Variants in SERPINI1 observed in about 807,000 individuals in gnomAD.
SERPINI1 encodes serpin family I member 1, also known as neuroserpin.
A neutral mutation model predicts 41.1 loss-of-function variants in SERPINI1; 19 were observed. The observed-to-expected ratio is 0.46, with a 90% CI of 0.32 to 0.68. The LOEUF is 0.68. Among genes scored for constraint, SERPINI1 ranks in the 30% least tolerant of loss-of-function variants. SERPINI1 has a pLI of 0.03. For missense variants in SERPINI1, 460 were observed against 479.2 expected (o/e 0.96, Z 0.37); for synonymous variants, 138 against 156.6 (o/e 0.88, Z 0.89).
chr3:167,755,538 G>A (rs1162686339), intron 1 of SERPINI1, among the ~76,000 whole-genome samples: 1 of 152,174 alleles, frequency 6.6e-6, no homozygotes, highest in Non-Finnish European at 1.5e-5. Context: ...TCAGAGAGAG[G>A]AAACCATAAG....
chr3:167,746,390 G>A (rs544960706), intron 1 of SERPINI1, among the ~76,000 whole-genome samples: 7 of 152,044 alleles, frequency 4.6e-5, no homozygotes, highest in African/African-American at 1.7e-4. Flanking sequence ...GACACCAAAA[G>A]TACAAGAGAC....
rs954345051 is a variant in SERPINI1, at chr3:167,794,709, G to A, written c.766G>A (p.Val256Met). 1 of 1,613,680 alleles carries A rather than the reference G, an allele frequency of 6.2e-7. No individual in the cohort carries two copies. The highest frequency in any genetic ancestry group is 8.5e-7 in the Non-Finnish European group (1 of 1,179,800). The change falls in exon 5 of 9, where the codon GTG becomes ATG. Residue 256 changes from valine (V) to methionine (M), a missense_variant. Coordinates refer to ENST00000446050, the MANE Select transcript of SERPINI1 (RefSeq NM_001122752.2). ...YEGDEISMML[V>M]LSRQEVPLAT... ...AGGAGATGAAATAAGCATGATGCTGGTGCTGTCCAGACAGGAAGTTCCTCT... is the reference window on the plus strand; with the variant it reads ...AGGAGATGAAATAAGCATGATGCTGATGCTGTCCAGACAGGAAGTTCCTCT...
At position 167,823,024 on chromosome 3, in the gene SERPINI1, T is replaced by A; in HGVS notation, c.1018T>A (p.Ser340Thr). Residue 340 changes from serine (S) to threonine (T), a missense_variant, in exon 7 of 9, where the codon TCC becomes ACC. Transcript: ENST00000446050. ...EIFLSKAIHK[S>T]FLEVNEEGSE... ...TTTTCTTTCCAAAGCAATTCACAAG[T>A]CCTTCCTAGAGGTTAATGAAGAAGG... 6.2e-7 allele frequency: 1 copy of A among 1,611,554 alleles called. No individual in the cohort carries two copies. Among genetic ancestry groups the A allele is most frequent in the Non-Finnish European group, 8.5e-7 (1 of 1,177,708 alleles).
intron 1 of SERPINI1, among the ~76,000 whole-genome samples, chr3:167,750,998 A>C (rs1041415242): frequency 7.9e-5 from 12 of 152,116 alleles, no homozygotes; most frequent in African/African-American, 2.9e-4. Flanking sequence ...AAAAACTCTA[A>C]CTTCAGACAA....
Position 167,792,612 on chromosome 3 carries a change from C to G in SERPINI1, c.504C>G (p.Ser168=). 6.2e-7 allele frequency: 1 copy of G among 1,613,120 alleles called. No homozygotes were observed. The highest frequency in any genetic ancestry group is 2.2e-5 in the East Asian group (1 of 44,830). ...NTNNLVKDLV[S]PRDFDAATYL... ...TAGATCTGGTGAAAGATTTGGTATCCCCAAGGGATTTTGATGCTGCCACTT... is the reference window on the plus strand; with the variant it reads ...TAGATCTGGTGAAAGATTTGGTATCGCCAAGGGATTTTGATGCTGCCACTT... Residue 168 remains serine (S), a synonymous_variant, in exon 4 of 9, where the codon TCC becomes TCG. Coordinates refer to ENST00000446050, the MANE Select transcript of SERPINI1 (RefSeq NM_001122752.2).
At chr3:167,742,476 G>C (rs888589778) in intron 1 of SERPINI1, among the ~76,000 whole-genome samples, 1 of 152,162 alleles carries the variant, frequency 6.6e-6, no homozygotes, top group Admixed American at 6.5e-5. Flanking sequence ...TAAGACAGAT[G>C]CCTCTGTTGA....
At chr3:167,811,260 G>A (rs1482793991) in intron 6 of SERPINI1, among the ~76,000 whole-genome samples, 1 of 151,072 alleles carries the variant, frequency 6.6e-6, no homozygotes, top group Non-Finnish European at 1.5e-5. Flanking sequence ...AAGAGGCCAG[G>A]AATTCTTCCT....
intron 1 of SERPINI1, among the ~76,000 whole-genome samples, chr3:167,779,172 A>C (rs2108550527): frequency 6.6e-6 from 1 of 152,352 alleles, no homozygotes; most frequent in South Asian, 2.1e-4. Flanking sequence ...CTATGAAAAC[A>C]CATATTTTTA....
At chr3:167,779,696 A>G (rs1171759965) in intron 1 of SERPINI1, among the ~76,000 whole-genome samples, 3 of 152,136 alleles carry the variant, frequency 2.0e-5, no homozygotes, top group Admixed American at 1.3e-4. Flanking sequence ...AACTCTTCAT[A>G]TATTACTCTG....
intron 5 of SERPINI1, among the ~76,000 whole-genome samples, chr3:167,803,676 C>G (rs1223405814): frequency 1.3e-5 from 2 of 152,146 alleles, no homozygotes; most frequent in Admixed American, 1.3e-4. Context: ...AGTGTTTCAT[C>G]ACTAAAGTGT....
chr3:167,737,888 T>A (rs1384544673), intron 1 of SERPINI1, among the ~76,000 whole-genome samples: 1 of 152,138 alleles, frequency 6.6e-6, no homozygotes, highest in Non-Finnish European at 1.5e-5. Context: ...AGTACTGATT[T>A]TTTTCACCTG....
intron 5 of SERPINI1, among the ~76,000 whole-genome samples, chr3:167,805,198 C>T (rs13083889): frequency 0.12 from 18,147 of 152,120 alleles, 1,454 homozygotes; most frequent in Non-Finnish European, 0.17. Flanking sequence ...TCCACAGCCT[C>T]GCTAGCATCT....
Position 167,823,035 on chromosome 3 carries a change from G to A in SERPINI1, c.1029G>A (p.Glu343=), listed in dbSNP as rs1005917108. The change falls in exon 7 of 9, where the codon GAG becomes GAA. Residue 343 remains glutamate, a synonymous_variant. Coordinates refer to ENST00000446050, the MANE Select transcript of SERPINI1 (RefSeq NM_001122752.2). The part of the protein sequence containing the change: ...LSKAIHKSFL[E]VNEEGSEAAA... Reference sequence around the variant, plus strand: ...AAGCAATTCACAAGTCCTTCCTAGAGGTTAATGAAGAAGGCTCAGAAGCTG... The same window carrying A: ...AAGCAATTCACAAGTCCTTCCTAGAAGTTAATGAAGAAGGCTCAGAAGCTG... The A allele has an allele frequency of 1.2e-6, 2 of 1,611,162 alleles. No individual in the cohort carries two copies. The highest frequency in any genetic ancestry group is 2.2e-5 in the South Asian group (2 of 91,012).
intron 1 of SERPINI1, among the ~76,000 whole-genome samples, chr3:167,769,546 T>C (rs1363445363): frequency 6.6e-6 from 1 of 152,168 alleles, no homozygotes; most frequent in East Asian, 1.9e-4. Flanking sequence ...TCATCTAATA[T>C]TGTGACCTTT....
intron 2 of SERPINI1, 22 bp downstream of exon 2, chr3:167,789,400 T>C: frequency 6.2e-7 from 1 of 1,613,790 alleles, no homozygotes; most frequent in Non-Finnish European, 8.5e-7. Flanking sequence ...CAGGTTTGAT[T>C]TCTCAAGACT....
chr3:167,813,362 G>A (rs1711958830), intron 6 of SERPINI1, among the ~76,000 whole-genome samples: 1 of 152,088 alleles, frequency 6.6e-6, no homozygotes, highest in African/African-American at 2.4e-5. Flanking sequence ...ACAAATCCAG[G>A]CTCTCTAGCA....
At chr3:167,757,506 T>TCA (rs779259359) in intron 1 of SERPINI1, among the ~76,000 whole-genome samples, 3 of 145,112 alleles carry the variant, frequency 2.1e-5, no homozygotes, top group African/African-American at 7.6e-5. Context: ...GATCTCTCTC[T>TCA]CTCTCACACA....
At chr3:167,818,436 C>G (rs1267148393) in intron 6 of SERPINI1, among the ~76,000 whole-genome samples, 1 of 152,112 alleles carries the variant, frequency 6.6e-6, no homozygotes, top group Admixed American at 6.5e-5. Flanking sequence ...CTTATAATCT[C>G]ATAAAGTTAA....
At chr3:167,749,874 C>G (rs1017167204) in intron 1 of SERPINI1, among the ~76,000 whole-genome samples, 3 of 151,970 alleles carry the variant, frequency 2.0e-5, no homozygotes, top group Non-Finnish European at 2.9e-5. Flanking sequence ...GCATAGGTGC[C>G]GGAAGGGTTC....
Sources: allele counts gnomAD v4.1 joint callset (sites outside exome capture counted in the v4.1 genomes callset), GRCh38; gene constraint gnomAD v4.1.1; transcripts MANE v1.5; gene names NCBI Gene and HGNC (gene_info 2026-07-23, HGNC 2026-07-21).